The following VWDE variants were observed in gnomAD, a reference collection of about 807,000 sequenced individuals.
VWDE encodes von Willebrand factor D and EGF domain-containing protein.
VWDE carries 207 observed loss-of-function variants against 178.4 expected under a neutral mutation model. The ratio of observed to expected loss-of-function variants is 1.16; its 90% CI spans 1.04 to 1.30. The LOEUF is 1.30. Among genes scored for constraint, VWDE ranks in the 50% most tolerant of loss-of-function variants. The pLI is 0.00. For synonymous variants in VWDE, 738 were observed against 651.4 expected, an observed-to-expected ratio of 1.13 and a Z score of -2.02; for missense variants, 2,287 against 1,901.3, an observed-to-expected ratio of 1.20 and a Z score of -3.77.
At chr7:12,347,298 CT>C (rs1301420364) in intron 19 of VWDE, among the ~76,000 whole-genome samples, 1 of 152,038 alleles carries the variant, frequency 6.6e-6, no homozygotes, top group Non-Finnish European at 1.5e-5. Context: ...AGAACTGAAA[CT>C]CCAGATTACA....
rs1453953334 is a variant in VWDE, at chr7:12,333,483, T to C, written c.4740A>G (p.Lys1580=). 42 of 1,547,394 alleles carry C rather than the reference T, an allele frequency of 2.7e-5. No individual in the cohort carries two copies. Among genetic ancestry groups the C allele is most frequent in the Non-Finnish European group, 3.5e-5 (40 of 1,144,202 alleles). ...CSCRTEYSGV[K]CEKKIQIRRH ...GAAATACCTGTATTTTCTTCTCACATTTGACTCCAGAGTATTCAGTGCGGC... is the reference window on the plus strand; with the variant it reads ...GAAATACCTGTATTTTCTTCTCACACTTGACTCCAGAGTATTCAGTGCGGC... The change falls in exon 28 of 29, where the codon AAA becomes AAG. Residue 1580 remains lysine (K), a synonymous_variant. Transcript: ENST00000275358.
At chr7:12,356,356 T>A (rs1782254474) in intron 17 of VWDE, 26 bp from the exon 18 acceptor site, 1 of 1,523,624 alleles carries the variant, frequency 6.6e-7, no homozygotes, top group East Asian at 2.5e-5. Flanking sequence ...AAAGGAAATG[T>A]CTTATTTTTC....
At chr7:12,386,275 C>T (rs984102234) in intron 3 of VWDE, among the ~76,000 whole-genome samples, 1 of 152,146 alleles carries the variant, frequency 6.6e-6, no homozygotes, top group Non-Finnish European at 1.5e-5. Flanking sequence ...GAGATTGATG[C>T]ATCTCTCTGG....
At chr7:12,348,165 C>A (rs1781717500) in intron 19 of VWDE, among the ~76,000 whole-genome samples, 1 of 147,012 alleles carries the variant, frequency 6.8e-6, no homozygotes, top group African/African-American at 2.6e-5. Context: ...CAGGCATGGG[C>A]AAGGACTTCA....
chr7:12,373,020 C>T lies in VWDE; in HGVS notation c.1544G>A (p.Arg515Lys). Residue 515 changes from arginine (R) to lysine (K), a missense_variant, in exon 10 of 29, where the codon AGG becomes AAG. Arg to Lys is a conservative substitution (Grantham distance 26). Transcript: ENST00000275358. Reference sequence around the variant, plus strand: ...GTAAGATTCACTTATCTTGATATTCCTGGTTACATCTTGGCTTTTTATGAA... The same window carrying T: ...GTAAGATTCACTTATCTTGATATTCTTGGTTACATCTTGGCTTTTTATGAA... ...YLFIKSQDVT[R>K]NIKISESYLG... is the part of the protein sequence containing the mutation. The T allele has an allele frequency of 6.4e-7, 1 of 1,551,032 alleles. No individual in the cohort carries two copies.
rs906708974 is a variant in VWDE, at chr7:12,370,350, G to T, written c.1956C>A (p.Asp652Glu). Residue 652 changes from aspartate to glutamate, a missense_variant, in exon 12 of 29, where the codon GAC (aspartate) becomes GAA (glutamate). Coordinates refer to ENST00000275358, the MANE Select transcript of VWDE (RefSeq NM_001135924.3). ...SRSEIALGCK[D>E]LNHVSLSSLI... is the part of the protein sequence containing the mutation. ...AAGAAGATAAGCTGACATGATTGAG[G>T]TCTTTGCAACCCAAGGCAATTTCTG... The T allele has an allele frequency of 2.6e-6, 4 of 1,551,008 alleles. No homozygotes were observed. The highest frequency in any genetic ancestry group is 3.5e-6 in the Non-Finnish European group (4 of 1,146,832).
In VWDE at chr7:12,356,084, A is replaced by C. The variant is rs1395097764; in HGVS notation, c.3745+27T>G. The C allele has an allele frequency of 7.2e-6, 11 of 1,536,206 alleles. No homozygotes were observed. In the South Asian group the frequency reaches 1.3e-4, roughly 18 times the overall value. ...TGTGTTTCAAGGAGCTTTTCTTTCT[A>C]ATTTGTTATGAGGAGCAAAATCTTA... On this transcript the variant is annotated intron_variant, in intron 18 of 28. Coordinates refer to ENST00000275358, the MANE Select transcript of VWDE (RefSeq NM_001135924.3).
At position 12,351,576 on chromosome 7, in the gene VWDE, A is replaced by C; in HGVS notation, c.3883T>G (p.Phe1295Val). The C allele has an allele frequency of 6.5e-7, 1 of 1,546,614 alleles. No homozygotes were observed. Among genetic ancestry groups the C allele is most frequent in the South Asian group, 1.2e-5 (1 of 82,800 alleles). ...RHVKPTSGNA[F>V]TICKYPCGKS... ...TTTAACTATGACCATTACTTACTGAAGGCATTTCCACTTGTTGGCTTAACA... is the reference window on the plus strand; with the variant it reads ...TTTAACTATGACCATTACTTACTGACGGCATTTCCACTTGTTGGCTTAACA... The change falls in exon 19 of 29, where the codon TTC (phenylalanine) becomes GTC (valine). Residue 1295 changes from phenylalanine to valine, a missense_variant. Coordinates refer to ENST00000275358, the MANE Select transcript of VWDE (RefSeq NM_001135924.3).
intron 28 of VWDE, 41 bp from the exon 29 acceptor site, chr7:12,331,238 T>C (rs376570451): frequency 5.9e-5 from 88 of 1,503,748 alleles, no homozygotes; most frequent in African/African-American, 8.4e-5. Flanking sequence ...ATGAATAGTA[T>C]AAAATCATTT....
Position 12,375,123 on chromosome 7 carries a change from A to C in VWDE, c.1129T>G (p.Tyr377Asp). 1 of 1,551,288 alleles carries C rather than the reference A, an allele frequency of 6.4e-7. No individual in the cohort carries two copies. Residue 377 changes from tyrosine (Y) to aspartate (D), a missense_variant, in exon 8 of 29, where the codon TAC becomes GAC. Physicochemically the swap from Tyr to Asp is radical, Grantham distance 160 (BLOSUM62 -3). Transcript: ENST00000275358. ...NGTCSHTFVY[Y>D]TAVTDFSRDG... ...CGAGAAAAATCTGTGACAGCAGTGTAGTACACAAAAGTGTGGCTACAGGTT... is the reference window on the plus strand; with the variant it reads ...CGAGAAAAATCTGTGACAGCAGTGTCGTACACAAAAGTGTGGCTACAGGTT...
At chr7:12,387,041 T>C (rs990827715) in intron 3 of VWDE, among the ~76,000 whole-genome samples, 3 of 152,168 alleles carry the variant, frequency 2.0e-5, no homozygotes, top group Non-Finnish European at 4.4e-5. Context: ...AAACAATAAT[T>C]TAGCCTTATT....
chr7:12,339,544 A>C (rs930456113), intron 24 of VWDE, among the ~76,000 whole-genome samples: 2 of 152,054 alleles, frequency 1.3e-5, no homozygotes, highest in Non-Finnish European at 2.9e-5. Flanking sequence ...TTTCTGCTTT[A>C]TTTCCATCCT....
chr7:12,380,012 C>T (rs943430214), intron 5 of VWDE, among the ~76,000 whole-genome samples: 6 of 151,396 alleles, frequency 4.0e-5, no homozygotes, highest in African/African-American at 1.2e-4. Context: ...GCAGGAGAAT[C>T]GCTTGAACCT....
chr7:12,367,368 T>C lies in VWDE; in HGVS notation c.2887A>G (p.Thr963Ala). The change falls in exon 13 of 29, where the codon ACT (threonine) becomes GCT (alanine). Residue 963 changes from threonine to alanine, a missense_variant. Physicochemically the swap from Thr to Ala is moderately conservative, Grantham distance 58. Transcript: ENST00000275358. ...KELPSIKCEVTKLQYNSSEWM... is the reference protein window; with the variant it reads ...KELPSIKCEVAKLQYNSSEWM... ...TATAATTAACATACCTGTAGCTTAGTAACTTCACATTTAATTGAAGGTAAT... is the reference window on the plus strand; with the variant it reads ...TATAATTAACATACCTGTAGCTTAGCAACTTCACATTTAATTGAAGGTAAT... The C allele has an allele frequency of 6.5e-7, 1 of 1,543,764 alleles. No homozygotes were observed. The highest frequency in any genetic ancestry group is 8.7e-7 in the Non-Finnish European group (1 of 1,143,372).
chr7:12,402,992 A>G (rs1251221830), intron 1 of VWDE, among the ~76,000 whole-genome samples: 3 of 152,184 alleles, frequency 2.0e-5, no homozygotes, highest in Admixed American at 6.5e-5. Context: ...TATGAACACA[A>G]AAAACAAGCA....
In VWDE at chr7:12,333,465, C is replaced by T; in HGVS notation, c.4758G>A (p.Gln1586=). The T allele has an allele frequency of 1.3e-6, 2 of 1,530,780 alleles. No homozygotes were observed. The highest frequency in any genetic ancestry group is 5.0e-5 in the East Asian group (2 of 40,310). 94.8% of individuals were successfully genotyped at this position (1,530,780 alleles called of 1,614,324 possible). The change falls in exon 28 of 29, where the codon CAG becomes CAA. Residue 1586 remains glutamine (Q), a splice_region_variant and synonymous_variant. Transcript: ENST00000275358. ...ATTTTCTCTTTAAACTCTGAAATAC[C>T]TGTATTTTCTTCTCACATTTGACTC... ...YSGVKCEKKI[Q]IRRH is the part of the protein sequence containing the mutation.
At chr7:12,367,281 A>G (rs1043559579) in intron 13 of VWDE, 76 bp downstream of exon 13, 3 of 1,203,220 alleles carry the variant, frequency 2.5e-6, no homozygotes, top group Non-Finnish European at 2.2e-6. Flanking sequence ...TAATTGATAG[A>G]CCGAATTAAT....
chr7:12,331,440 C>A (rs980190462), intron 28 of VWDE, among the ~76,000 whole-genome samples: 4 of 152,110 alleles, frequency 2.6e-5, no homozygotes, highest in Non-Finnish European at 5.9e-5. Flanking sequence ...AAATGTTACA[C>A]TTTAGAAACA....
chr7:12,343,884 T>C (rs1233334500), intron 21 of VWDE, among the ~76,000 whole-genome samples: 4 of 152,130 alleles, frequency 2.6e-5, no homozygotes, highest in African/African-American at 9.7e-5. Flanking sequence ...AATAGCTGTC[T>C]TTGCTTGAAG....
Sources: gnomAD v4.1 joint callset for allele counts (sites outside exome capture counted in the v4.1 genomes callset) on GRCh38, gnomAD v4.1.1 for gene constraint, MANE v1.5 for transcripts, NCBI Gene and HGNC (gene_info 2026-07-23, HGNC 2026-07-21) for gene names.